The following SCAI variants were observed in gnomAD, a reference collection of about 807,000 sequenced individuals.
The protein encoded by SCAI is protein SCAI.
In SCAI, 24 loss-of-function variants were observed where a neutral mutation model predicts 92.2. That is an observed-to-expected ratio of 0.26 (90% CI 0.19 to 0.37). The LOEUF is 0.37. Ranked by LOEUF, SCAI falls within the 10% of genes least tolerant of loss-of-function variation. The probability of loss-of-function intolerance (pLI) is 1.00; values close to 1 mark genes in which losing one functional copy is unlikely to be tolerated. For missense variants in SCAI, 450 were observed against 736.2 expected (o/e 0.61, Z 4.50); for synonymous variants, 261 against 258.6 (o/e 1.01, Z -0.09).
At chr9:125,002,320 A>C (rs1459096250) in intron 11 of SCAI, among the ~76,000 whole-genome samples, 1 of 152,148 alleles carries the variant, frequency 6.6e-6, no homozygotes, top group Non-Finnish European at 1.5e-5. Flanking sequence ...GGAGAAGTAA[A>C]GATCCTGACT....
At chr9:125,119,553 G>C (rs907782666) in intron 2 of SCAI, among the ~76,000 whole-genome samples, 7 of 152,212 alleles carry the variant, frequency 4.6e-5, no homozygotes, top group African/African-American at 7.2e-5. Context: ...CAGTGCTCCT[G>C]AAGGTAGAAA....
chr9:124,958,542 T>TTAAAC (rs1831366549), intron 17 of SCAI, among the ~76,000 whole-genome samples: 1 of 152,036 alleles, frequency 6.6e-6, no homozygotes, highest in African/African-American at 2.4e-5. Flanking sequence ...ATCTCACACT[T>TTAAAC]TAAACAAAAA....
In SCAI at chr9:124,945,490, G is replaced by C. The variant is rs1157883813; in HGVS notation, c.*7317C>G. On this transcript the variant is annotated 3_prime_UTR_variant, in exon 18 of 18. Transcript: ENST00000336505. The stretch of plus-strand genomic sequence containing the variant: ...GAATCTCTTGAACCCAGGAGGCGGA[G>C]GTTGCAGTGAGCTGAGATCGCGCCA... 6.6e-6 allele frequency: 1 copy of C among 152,192 alleles called. No individual in the cohort carries two copies. Among genetic ancestry groups the C allele is most frequent in the African/African-American group, 2.4e-5 (1 of 41,392 alleles). 9.4% of individuals were successfully genotyped at this position (152,192 alleles called of 1,614,324 possible). A position where few individuals can be genotyped will look rare whatever the true frequency, so the allele number is the denominator to read the frequency against.
rs1831663619 is a variant in SCAI, at chr9:124,971,751, C to T, written c.1493G>A (p.Gly498Asp). 1 of 1,612,622 alleles carries T rather than the reference C, an allele frequency of 6.2e-7. No individual in the cohort carries two copies. Among genetic ancestry groups the T allele is most frequent in the African/African-American group, 1.3e-5 (1 of 74,860 alleles). The change falls in exon 16 of 18, where the codon GGC (glycine) becomes GAC (aspartate). Residue 498 changes from glycine (G) to aspartate (D), a missense_variant. This residue lies in a region of SCAI where 360 missense variants were observed against 601.8 expected (regional missense o/e 0.60). Coordinates refer to ENST00000336505, the MANE Select transcript of SCAI (RefSeq NM_001144877.3). ...ATATTCTTGACACTTTTCCCATAGG[C>T]CTCTGCGCATGCTTGACAATCCAGA... The part of the protein sequence containing the change: ...FVSGLSSMRR[G>D]LWEKCQEYLR...
At chr9:124,987,230 G>C (rs1832012745) in intron 14 of SCAI, among the ~76,000 whole-genome samples, 1 of 152,096 alleles carries the variant, frequency 6.6e-6, no homozygotes, top group South Asian at 2.1e-4. Flanking sequence ...CACCATGTTG[G>C]TCAGGCTGGT....
intron 3 of SCAI, among the ~76,000 whole-genome samples, chr9:125,033,668 A>G (rs921697050): frequency 6.6e-6 from 1 of 152,210 alleles, no homozygotes; most frequent in African/African-American, 2.4e-5. Context: ...TGATGGGTGC[A>G]CGTAACCTGT....
chr9:125,101,001 G>A (rs1028051739), intron 2 of SCAI, among the ~76,000 whole-genome samples: 1 of 152,120 alleles, frequency 6.6e-6, no homozygotes, highest in African/African-American at 2.4e-5. Context: ...GAAAAGGGAG[G>A]ACTGCTTGAG....
In SCAI at chr9:125,031,858, C is replaced by G. The variant is rs75440830; in HGVS notation, c.231-2119G>C. On this transcript the variant is annotated intron_variant, in intron 3 of 17. Coordinates refer to ENST00000336505, the MANE Select transcript of SCAI (RefSeq NM_001144877.3). ...CAAACATACACAAAAGTAGAGAGAA[C>G]AGTACAATGACCCCTAGGTACCATC... Among the ~76,000 whole-genome samples, 1,127 of 152,074 alleles carry G rather than the reference C, an allele frequency of 7.4e-3. 12 individuals carry two copies. Among genetic ancestry groups the G allele is most frequent in the East Asian group, 0.035 (180 of 5,184 alleles).
Position 125,006,505 on chromosome 9 carries a change from CATTT to C in SCAI, c.862-2939_862-2936del, listed in dbSNP as rs752737091. ...ACATTCATTCATTCATTCATTCATTCATTTGAGACGGAGTCTCGCTCTGTCACCC... is the reference window on the plus strand; with the variant it reads ...ACATTCATTCATTCATTCATTCATTCGAGACGGAGTCTCGCTCTGTCACCC... On this transcript the variant is annotated intron_variant, in intron 9 of 17. Coordinates refer to ENST00000336505, the MANE Select transcript of SCAI (RefSeq NM_001144877.3). Among the ~76,000 whole-genome samples, 28 of 151,884 alleles carry C rather than the reference CATTT, an allele frequency of 1.8e-4. 1 individual carries two copies. Among genetic ancestry groups the C allele is most frequent in the African/African-American group, 4.1e-4 (17 of 41,308 alleles).
At chr9:125,074,131 C>T (rs1430830454) in intron 2 of SCAI, among the ~76,000 whole-genome samples, 2 of 151,392 alleles carry the variant, frequency 1.3e-5, no homozygotes, top group African/African-American at 4.8e-5. Flanking sequence ...TGGTGGCACG[C>T]GCCTGTAGTC....
intron 2 of SCAI, among the ~76,000 whole-genome samples, chr9:125,125,171 A>T (rs1239833782): frequency 6.6e-6 from 1 of 152,184 alleles, no homozygotes; most frequent in Admixed American, 6.5e-5. Flanking sequence ...CAGTGAGCTG[A>T]GATGGCGCCA....
At chr9:125,096,784 C>G (rs1422262294) in intron 2 of SCAI, among the ~76,000 whole-genome samples, 1 of 152,326 alleles carries the variant, frequency 6.6e-6, no homozygotes, top group East Asian at 1.9e-4. Flanking sequence ...TACACCTTTC[C>G]AAACCTTTGT....
At chr9:125,020,839 G>T in intron 6 of SCAI, 70 bp from the exon 7 acceptor site, 1 of 662,950 alleles carries the variant, frequency 1.5e-6, no homozygotes, top group South Asian at 2.1e-5. Flanking sequence ...TTAATTTTCT[G>T]ATAGCTTTTA....
At position 125,039,402 on chromosome 9, in the gene SCAI, A is replaced by G. The variant is rs549087653; in HGVS notation, c.231-9663T>C. Among the ~76,000 whole-genome samples, 382 of 151,752 alleles carry G rather than the reference A, an allele frequency of 2.5e-3. 1 individual carries two copies. Among genetic ancestry groups the G allele is most frequent in the African/African-American group, 8.6e-3 (357 of 41,392 alleles). ...CTCCATCTCAAAAAAAAAAAAAAAAAAAGAAAAGAAAAAGAAAAAGAAAGA... is the reference window on the plus strand; with the variant it reads ...CTCCATCTCAAAAAAAAAAAAAAAAGAAGAAAAGAAAAAGAAAAAGAAAGA... On this transcript the variant is annotated intron_variant, in intron 3 of 17. Transcript: ENST00000336505.
chr9:124,975,361 A>T (rs1424149803), intron 15 of SCAI: 1 of 456,706 alleles, frequency 2.2e-6, no homozygotes, highest in South Asian at 1.5e-5. Context: ...TAGCAGTAAA[A>T]TGCCATCTCC....
At chr9:125,080,420 C>G (rs528698305) in intron 2 of SCAI, among the ~76,000 whole-genome samples, 58 of 152,248 alleles carry the variant, frequency 3.8e-4, no homozygotes, top group African/African-American at 1.2e-3. Flanking sequence ...TAGATCCTAC[C>G]TTTCCTTTTC....
intron 14 of SCAI, among the ~76,000 whole-genome samples, chr9:124,979,435 T>A (rs1020145107): frequency 2.7e-5 from 4 of 150,184 alleles, no homozygotes; most frequent in Admixed American, 2.0e-4. Flanking sequence ...AGCTACTAGG[T>A]AGGCTGAGGC....
chr9:124,965,831 A>G (rs1346691264), intron 17 of SCAI, among the ~76,000 whole-genome samples: 1 of 152,206 alleles, frequency 6.6e-6, no homozygotes, highest in African/African-American at 2.4e-5. Flanking sequence ...GCATCACTTC[A>G]TATGGATCCC....
chr9:124,981,369 T>A (rs922244146), intron 14 of SCAI, among the ~76,000 whole-genome samples: 1 of 152,206 alleles, frequency 6.6e-6, no homozygotes, highest in Non-Finnish European at 1.5e-5. Flanking sequence ...TCCGAACAAC[T>A]CTTGTTATTG....
Sources: gnomAD v4.1 joint callset for allele counts (sites outside exome capture counted in the v4.1 genomes callset) on GRCh38, gnomAD v4.1.1 for gene constraint, gnomAD v4.1.1 regional missense constraint, MANE v1.5 for transcripts, NCBI Gene and HGNC (gene_info 2026-07-23, HGNC 2026-07-21) for gene names.